The following GLG1 variants were observed in gnomAD, a reference collection of about 807,000 sequenced individuals.
GLG1 encodes the protein golgi glycoprotein 1, also known as Golgi apparatus protein 1.
A neutral mutation model predicts 160.5 loss-of-function variants in GLG1; 38 were observed. That is an observed-to-expected ratio of 0.24 (90% CI 0.18 to 0.31). GLG1 has a LOEUF of 0.31. Ranked by LOEUF, GLG1 falls within the 10% of genes least tolerant of loss-of-function variation. The pLI is 1.00. For missense variants in GLG1, 1,373 were observed against 1,505.2 expected, an observed-to-expected ratio of 0.91 and a Z score of 1.45; for synonymous variants, 644 against 543.4, an observed-to-expected ratio of 1.19 and a Z score of -2.57.
At chr16:74,459,623 G>T in intron 23 of GLG1, 59 bp downstream of exon 23, 1 of 876,698 alleles carries the variant, frequency 1.1e-6, no homozygotes, top group East Asian at 2.5e-5. Context: ...AGCATTAAAA[G>T]GAAGAAGAGA....
Position 74,462,208 on chromosome 16 carries a change from A to G in GLG1, c.2935-13T>C, listed in dbSNP as rs776655439. The G allele has an allele frequency of 7.0e-7, 1 of 1,425,508 alleles. No homozygotes were observed. The highest frequency in any genetic ancestry group is 1.7e-5 in the Admixed American group (1 of 59,296). The allele number at this position is 1,425,508 out of a possible 1,614,324, so 88.3% of individuals were successfully genotyped here. A position where few individuals can be genotyped will look rare whatever the true frequency, so the allele number is the denominator to read the frequency against. Reference sequence around the variant, plus strand: ...CTGAAGACAGGCGCTGCATGTGACAAAGGGAGGATACATGGGCTGATCAGA... The same window carrying G: ...CTGAAGACAGGCGCTGCATGTGACAGAGGGAGGATACATGGGCTGATCAGA... On this transcript the variant is annotated splice_polypyrimidine_tract_variant and intron_variant, in intron 21 of 25. Coordinates refer to ENST00000422840, the MANE Select transcript of GLG1 (RefSeq NM_001145667.2).
intron 1 of GLG1, among the ~76,000 whole-genome samples, chr16:74,604,407 C>T (rs1958516325): frequency 1.3e-5 from 2 of 152,160 alleles, no homozygotes; most frequent in African/African-American, 2.4e-5. Flanking sequence ...GTATAAGGTA[C>T]TTGAGCGTCC....
chr16:74,479,394 A>G (rs2015517851), intron 11 of GLG1, among the ~76,000 whole-genome samples: 1 of 151,278 alleles, frequency 6.6e-6, no homozygotes, highest in Non-Finnish European at 1.5e-5. Context: ...GACCAGAAAG[A>G]TGCCGGGATG....
rs78783791 is a variant in GLG1, at chr16:74,468,803, G to A, written c.2436+143C>T. 1.3e-4 allele frequency: 84 copies of A among 647,168 alleles called. 1 individual carries two copies. The highest frequency in any genetic ancestry group is 1.7e-4 in the Admixed American group (7 of 40,610). The allele number at this position is 647,168 out of a possible 1,614,324, so 40.1% of individuals were successfully genotyped here. On this transcript the variant is annotated intron_variant, in intron 17 of 25. Transcript: ENST00000422840. ...AGAATGACACAGGAAGCTAATGGTC[G>A]TATGTTAAAACTTTTGCACAGGACT...
At chr16:74,482,536 T>G (rs149077610) in intron 10 of GLG1, among the ~76,000 whole-genome samples, 1,849 of 152,228 alleles carry the variant, frequency 0.012, 35 homozygotes, top group African/African-American at 0.043. Context: ...CGCTTTTTGT[T>G]AACAGAATGA....
At chr16:74,549,982 G>T (rs1304552470) in intron 1 of GLG1, among the ~76,000 whole-genome samples, 3 of 152,224 alleles carry the variant, frequency 2.0e-5, no homozygotes, top group Non-Finnish European at 4.4e-5. Context: ...GCCGGGCGTG[G>T]TGGGAGCACC....
intron 1 of GLG1, among the ~76,000 whole-genome samples, chr16:74,590,394 G>A (rs564088524): frequency 6.6e-6 from 1 of 151,942 alleles, no homozygotes; most frequent in Non-Finnish European, 1.5e-5. Context: ...GAAGCAGGCG[G>A]ATCACCTGAA....
chr16:74,590,230 ATC>A (rs1340080063), intron 1 of GLG1, among the ~76,000 whole-genome samples: 1 of 151,958 alleles, frequency 6.6e-6, no homozygotes, highest in Non-Finnish European at 1.5e-5. Context: ...TGATCTCCTG[ATC>A]TCGTGATCCG....
intron 1 of GLG1, among the ~76,000 whole-genome samples, chr16:74,559,386 G>A (rs2018442967): frequency 6.6e-6 from 1 of 150,910 alleles, no homozygotes; most frequent in South Asian, 2.1e-4. Context: ...TGAGGCTGCA[G>A]CAAGCTATGA....
At chr16:74,543,085 C>T (rs1368098103) in intron 1 of GLG1, among the ~76,000 whole-genome samples, 2 of 151,890 alleles carry the variant, frequency 1.3e-5, no homozygotes, top group Admixed American at 1.3e-4. Flanking sequence ...TTTACTTGAA[C>T]TGGCCTAAGC....
At chr16:74,551,302 A>T (rs2018191544) in intron 1 of GLG1, among the ~76,000 whole-genome samples, 1 of 151,702 alleles carries the variant, frequency 6.6e-6, no homozygotes, top group Non-Finnish European at 1.5e-5. Flanking sequence ...TATTTTATTT[A>T]TTTATTTTTT....
chr16:74,500,830 CATTTT>C (rs1194236525), intron 4 of GLG1, among the ~76,000 whole-genome samples: 1 of 152,114 alleles, frequency 6.6e-6, no homozygotes, highest in Non-Finnish European at 1.5e-5. Flanking sequence ...TCTGCCCTTT[CATTTT>C]GACAACATTT....
chr16:74,502,701 G>A (rs988258383), intron 4 of GLG1, among the ~76,000 whole-genome samples: 9 of 146,336 alleles, frequency 6.2e-5, no homozygotes, highest in Middle Eastern at 3.4e-3. Context: ...CTGCCACCAC[G>A]CCCGGCTAAT....
At chr16:74,494,188 C>G (rs1373859764) in intron 6 of GLG1, among the ~76,000 whole-genome samples, 1 of 150,088 alleles carries the variant, frequency 6.7e-6, no homozygotes, top group Non-Finnish European at 1.5e-5. Context: ...AAAACAAAAA[C>G]AAAACAAAAC....
chr16:74,605,897 A>AGATTATAAATTATCAATGTCACTT (rs1238057331), intron 1 of GLG1, among the ~76,000 whole-genome samples: 1 of 152,314 alleles, frequency 6.6e-6, no homozygotes, highest in Admixed American at 6.5e-5. Context: ...CATTAAACCT[A>AGATTATAAATTATCAATGTCACTT]GATTATAAAT....
intron 25 of GLG1, among the ~76,000 whole-genome samples, chr16:74,454,666 C>CAAA (rs58759187): frequency 2.6e-4 from 10 of 38,534 alleles, no homozygotes; most frequent in East Asian, 3.1e-3. Flanking sequence ...AATCCGTCCC[C>CAAA]AAAAAAAAAA....
chr16:74,477,489 C>A lies in GLG1; in HGVS notation c.1872G>T (p.Gln624His). 6.2e-7 allele frequency: 1 copy of A among 1,612,622 alleles called. No individual in the cohort carries two copies. The highest frequency in any genetic ancestry group is 8.5e-7 in the Non-Finnish European group (1 of 1,178,654). The change falls in exon 12 of 26, where the codon CAG (glutamine) becomes CAT (histidine). Residue 624 changes from glutamine to histidine, a missense_variant. By Grantham distance (24) the Gln-to-His change is conservative. This residue lies in a region of GLG1 where 386 missense variants were observed against 388.5 expected (regional missense o/e 0.99). Coordinates refer to ENST00000422840, the MANE Select transcript of GLG1 (RefSeq NM_001145667.2). ...GATCCAGCTTGACATCCATGGCACG[C>A]TGGTGTAGGATCCTTTGGACTTCAG... ...CRAEVQRILH[Q>H]RAMDVKLDPA...
At chr16:74,595,209 A>C (rs564019731) in intron 1 of GLG1, among the ~76,000 whole-genome samples, 4 of 149,062 alleles carry the variant, frequency 2.7e-5, no homozygotes, top group African/African-American at 9.9e-5. Flanking sequence ...ATAATAATTT[A>C]ATTAACATGA....
At chr16:74,591,380 G>C (rs2143864088) in intron 1 of GLG1, among the ~76,000 whole-genome samples, 1 of 150,806 alleles carries the variant, frequency 6.6e-6, no homozygotes, top group East Asian at 2.0e-4. Flanking sequence ...TGTAATCCCA[G>C]CACTTTGGGA....
Sources: gnomAD v4.1 joint callset for allele counts (sites outside exome capture counted in the v4.1 genomes callset) on GRCh38, gnomAD v4.1.1 for gene constraint, gnomAD v4.1.1 regional missense constraint, MANE v1.5 for transcripts, NCBI Gene and HGNC (gene_info 2026-07-23, HGNC 2026-07-21) for gene names.